GPR141: variants seen among roughly 807,000 people sequenced by gnomAD.
GPR141 encodes the protein probable G protein-coupled receptor 141.
Under a neutral mutation model 6.8 loss-of-function variants are expected in GPR141, and 6 were observed. The ratio of observed to expected loss-of-function variants is 0.88; its 90% CI spans 0.48 to 1.74. The LOEUF is 1.74. Ranked by LOEUF, GPR141 falls within the 40% of genes most tolerant of loss-of-function variation. The probability of loss-of-function intolerance (pLI) is 0.01; values close to 1 mark genes in which losing one functional copy is unlikely to be tolerated. For synonymous variants in GPR141, 140 were observed against 142.3 expected (o/e 0.98, Z 0.11); for missense variants, 372 against 372.9 (o/e 1.00, Z 0.02).
At chr7:37,722,720 CAAAA>C (rs146286812) in intron 2 of GPR141, among the ~76,000 whole-genome samples, 7 of 121,210 alleles carry the variant, frequency 5.8e-5, no homozygotes, top group East Asian at 2.3e-4. Flanking sequence ...GACTCCATCT[CAAAA>C]AAAAAAAAAA....
intron 2 of GPR141, among the ~76,000 whole-genome samples, chr7:37,699,229 C>T (rs1810162549): frequency 6.6e-6 from 1 of 152,146 alleles, no homozygotes; most frequent in Admixed American, 6.5e-5. Flanking sequence ...GACTACCCAA[C>T]TGGCAATGTA....
intron 2 of GPR141, among the ~76,000 whole-genome samples, chr7:37,695,349 G>A (rs1313829264): frequency 6.6e-6 from 1 of 152,212 alleles, no homozygotes; most frequent in Non-Finnish European, 1.5e-5. Flanking sequence ...GCCACTGGGG[G>A]TGGGACACTG....
chr7:37,720,108 C>G (rs2597272), intron 2 of GPR141, among the ~76,000 whole-genome samples: 117,356 of 152,118 alleles, frequency 0.77, 45,793 homozygotes, highest in African/African-American at 0.89. Flanking sequence ...TCCAGGGTGT[C>G]GGGAGATTGA....
chr7:37,714,897 G>A (rs1030930407), intron 2 of GPR141, among the ~76,000 whole-genome samples: 2 of 152,162 alleles, frequency 1.3e-5, no homozygotes, highest in Non-Finnish European at 2.9e-5. Flanking sequence ...AAAACCCTAT[G>A]AGTCCTGATT....
chr7:37,687,766 C>T (rs1031383953), intron 2 of GPR141, among the ~76,000 whole-genome samples: 5 of 152,102 alleles, frequency 3.3e-5, no homozygotes, highest in East Asian at 3.9e-4. Flanking sequence ...CCTCTCGCTT[C>T]GACTGCTGTC....
intron 2 of GPR141, among the ~76,000 whole-genome samples, chr7:37,695,391 T>G (rs190506869): frequency 6.6e-6 from 1 of 152,328 alleles, no homozygotes; most frequent in Non-Finnish European, 1.5e-5. Context: ...CACAGCTGTG[T>G]GGACTCCAGG....
At chr7:37,693,971 T>C (rs1300551682) in intron 2 of GPR141, among the ~76,000 whole-genome samples, 1 of 152,136 alleles carries the variant, frequency 6.6e-6, no homozygotes, top group Non-Finnish European at 1.5e-5. Flanking sequence ...GCATGACTAG[T>C]CTGGATGACC....
chr7:37,730,832 C>A (rs1306750700), intron 2 of GPR141, among the ~76,000 whole-genome samples: 1 of 152,220 alleles, frequency 6.6e-6, no homozygotes, highest in Non-Finnish European at 1.5e-5. Context: ...TTCTGAGAAG[C>A]ATTTATTATT....
At chr7:37,704,265 G>A (rs941751222) in intron 2 of GPR141, among the ~76,000 whole-genome samples, 2 of 151,862 alleles carry the variant, frequency 1.3e-5, no homozygotes, top group Admixed American at 6.6e-5. Flanking sequence ...CTTTTCTTAG[G>A]TTGTAGCTTT....
rs1811034229 is a variant in GPR141, at chr7:37,716,097, A to G, written c.-14-24283A>G. 2.0e-5 allele frequency among the ~76,000 whole-genome samples: 3 copies of G among 152,330 alleles called. No homozygotes were observed. In the South Asian group the frequency reaches 6.2e-4, roughly 32 times the overall value. The stretch of plus-strand genomic sequence containing the variant: ...GAAATGGAAGTGGCAGGCTTTGAGG[A>G]AGGCAGACAGACATGGGAGTCTGGG... On this transcript the variant is annotated intron_variant, in intron 2 of 2. Coordinates refer to ENST00000334425, the MANE Select transcript of GPR141 (RefSeq NM_001381946.1).
chr7:37,706,305 A>G (rs1810520134), intron 2 of GPR141, among the ~76,000 whole-genome samples: 1 of 152,214 alleles, frequency 6.6e-6, no homozygotes, highest in Non-Finnish European at 1.5e-5. Context: ...ATACTTGGAG[A>G]GCATTTAAAA....
intron 2 of GPR141, among the ~76,000 whole-genome samples, chr7:37,698,957 G>T (rs576248835): frequency 6.6e-6 from 1 of 152,296 alleles, no homozygotes; most frequent in South Asian, 2.1e-4. Flanking sequence ...ATCTACATAA[G>T]GTGGGATTTG....
intron 2 of GPR141, among the ~76,000 whole-genome samples, chr7:37,737,999 C>T (rs766007154): frequency 3.9e-5 from 6 of 152,280 alleles, no homozygotes; most frequent in Non-Finnish European, 5.9e-5. Flanking sequence ...GCCTCCTTTC[C>T]TTCTTGTATT....
chr7:37,730,834 T>C (rs1811895175), intron 2 of GPR141, among the ~76,000 whole-genome samples: 1 of 152,248 alleles, frequency 6.6e-6, no homozygotes, highest in African/African-American at 2.4e-5. Context: ...CTGAGAAGCA[T>C]TTATTATTTT....
At chr7:37,720,139 G>GA (rs1811247362) in intron 2 of GPR141, among the ~76,000 whole-genome samples, 1 of 152,212 alleles carries the variant, frequency 6.6e-6, no homozygotes, top group Admixed American at 6.5e-5. Context: ...GAAGGCTTGG[G>GA]ACTCAGCAGG....
chr7:37,703,460 T>C (rs1266000812), intron 2 of GPR141, among the ~76,000 whole-genome samples: 1 of 152,184 alleles, frequency 6.6e-6, no homozygotes, highest in East Asian at 1.9e-4. Context: ...AAAAACTGCC[T>C]TCACTTGGCT....
chr7:37,733,724 T>C (rs1356695857), intron 2 of GPR141, among the ~76,000 whole-genome samples: 1 of 151,458 alleles, frequency 6.6e-6, no homozygotes, highest in Non-Finnish European at 1.5e-5. Flanking sequence ...TTGCTAGGAT[T>C]AGCATCACTG....
chr7:37,708,385 T>C (rs1810639318), intron 2 of GPR141, among the ~76,000 whole-genome samples: 1 of 150,974 alleles, frequency 6.6e-6, no homozygotes, highest in African/African-American at 2.4e-5. Context: ...CAGAGAGTTG[T>C]TCTTGAATTT....
At chr7:37,698,476 C>T (rs540324477) in intron 2 of GPR141, among the ~76,000 whole-genome samples, 15 of 152,264 alleles carry the variant, frequency 9.9e-5, no homozygotes, top group East Asian at 1.9e-4. Context: ...GGGAAACACA[C>T]GCCATGGGGA....
Sources: gnomAD v4.1 joint callset for allele counts (sites outside exome capture counted in the v4.1 genomes callset) on GRCh38, gnomAD v4.1.1 for gene constraint, MANE v1.5 for transcripts, NCBI Gene and HGNC (gene_info 2026-07-23, HGNC 2026-07-21) for gene names.